ZEB1: variants seen among roughly 807,000 people sequenced by gnomAD.
The protein encoded by ZEB1 is zinc finger E-box-binding homeobox 1.
ZEB1 carries 21 observed loss-of-function variants against 84.9 expected under a neutral mutation model. That is an observed-to-expected ratio of 0.25 (90% CI 0.18 to 0.36). The LOEUF is 0.36. ZEB1 is among the 10% of genes least tolerant of loss of function. The pLI is 1.00. For synonymous variants in ZEB1, 420 were observed against 471.1 expected, an observed-to-expected ratio of 0.89 and a Z score of 1.41; for missense variants, 1,104 against 1,330.2, an observed-to-expected ratio of 0.83 and a Z score of 2.65.
chr10:31,350,020 A>G (rs918746957), intron 1 of ZEB1, among the ~76,000 whole-genome samples: 8 of 152,108 alleles, frequency 5.3e-5, no homozygotes, highest in East Asian at 3.9e-4. Flanking sequence ...CTTTTTCCCT[A>G]TGTTTTCTTG....
At chr10:31,361,619 A>C (rs1476374832) in intron 1 of ZEB1, among the ~76,000 whole-genome samples, 1 of 148,424 alleles carries the variant, frequency 6.7e-6, no homozygotes, top group African/African-American at 2.5e-5. Flanking sequence ...GGGCAGAGGC[A>C]CTCCTCCCTT....
chr10:31,526,982 A>G lies in ZEB1; in HGVS notation c.3096A>G (p.Glu1032=). 6.2e-7 allele frequency: 1 copy of G among 1,612,340 alleles called. No homozygotes were observed. The highest frequency in any genetic ancestry group is 8.5e-7 in the Non-Finnish European group (1 of 1,179,068). The change falls in exon 9 of 9, where the codon GAA becomes GAG. Residue 1032 remains glutamate (E), a synonymous_variant. Coordinates refer to ENST00000424869, the MANE Select transcript of ZEB1 (RefSeq NM_001174096.2). ...DSDERESLTR[E]EDEDSEKEEE... is the part of the protein sequence containing the mutation. ...ACGAGAGAGAGAGTTTGACAAGGGA[A>G]GAGGATGAAGACAGTGAAAAAGAGG...
At chr10:31,399,013 T>G (rs1466085125) in intron 1 of ZEB1, among the ~76,000 whole-genome samples, 2 of 147,294 alleles carry the variant, frequency 1.4e-5, no homozygotes, top group Non-Finnish European at 3.0e-5. Flanking sequence ...TTTTTTGATA[T>G]GGAGTTTTGC....
intron 1 of ZEB1, among the ~76,000 whole-genome samples, chr10:31,330,742 T>A (rs1377543358): frequency 6.6e-6 from 1 of 152,214 alleles, no homozygotes; most frequent in African/African-American, 2.4e-5. Flanking sequence ...ATAAGTTGAT[T>A]ACAGATGGGT....
chr10:31,418,004 C>G (rs1382697135), intron 1 of ZEB1, among the ~76,000 whole-genome samples: 1 of 151,858 alleles, frequency 6.6e-6, no homozygotes, highest in Non-Finnish European at 1.5e-5. Flanking sequence ...GAGTGTCAAG[C>G]AAACTTTTTT....
At chr10:31,519,850 T>G (rs1048704254) in intron 6 of ZEB1, among the ~76,000 whole-genome samples, 1 of 152,222 alleles carries the variant, frequency 6.6e-6, no homozygotes, top group African/African-American at 2.4e-5. Context: ...TTGAGAATTA[T>G]TTGAAGTTAT....
intron 1 of ZEB1, chr10:31,321,433 GAGC>G: frequency 6.2e-7 from 1 of 1,613,508 alleles, no homozygotes; most frequent in South Asian, 1.1e-5. Flanking sequence ...GCAAGGAGTG[GAGC>G]ATAGGCTATT....
At chr10:31,400,594 A>G (rs1202424451) in intron 1 of ZEB1, among the ~76,000 whole-genome samples, 1 of 152,126 alleles carries the variant, frequency 6.6e-6, no homozygotes, top group African/African-American at 2.4e-5. Flanking sequence ...AGAATCTTTT[A>G]TCATTAAAAG....
At chr10:31,409,450 C>G (rs907866386) in intron 1 of ZEB1, among the ~76,000 whole-genome samples, 2 of 152,256 alleles carry the variant, frequency 1.3e-5, no homozygotes, top group East Asian at 3.9e-4. Context: ...AGCATGATGC[C>G]TTCAGCTTTG....
intron 1 of ZEB1, among the ~76,000 whole-genome samples, chr10:31,402,250 A>G (rs1037053157): frequency 3.9e-5 from 6 of 152,090 alleles, no homozygotes; most frequent in Non-Finnish European, 7.4e-5. Flanking sequence ...AAAAGAAAGT[A>G]TAAATGTAAG....
At chr10:31,351,895 A>G (rs1213267006) in intron 1 of ZEB1, among the ~76,000 whole-genome samples, 1 of 152,196 alleles carries the variant, frequency 6.6e-6, no homozygotes, top group Non-Finnish European at 1.5e-5. Context: ...TGGTATACTG[A>G]TACTTCACCA....
At chr10:31,432,152 A>G (rs2057788243) in intron 1 of ZEB1, among the ~76,000 whole-genome samples, 1 of 152,220 alleles carries the variant, frequency 6.6e-6, no homozygotes, top group African/African-American at 2.4e-5. Flanking sequence ...ATAGACCAAC[A>G]CTGTCCGGTA....
intron 1 of ZEB1, among the ~76,000 whole-genome samples, chr10:31,344,853 T>C (rs541943830): frequency 6.6e-6 from 1 of 152,266 alleles, no homozygotes; most frequent in South Asian, 2.1e-4. Context: ...TTCATGTTTG[T>C]TTGTTTTTCT....
intron 2 of ZEB1, among the ~76,000 whole-genome samples, chr10:31,464,036 A>G (rs1189149779): frequency 2.6e-5 from 4 of 152,248 alleles, no homozygotes; most frequent in Non-Finnish European, 5.9e-5. Context: ...ATAAAATAAA[A>G]CCAGTGTGTT....
At chr10:31,378,957 G>C (rs1031785930) in intron 1 of ZEB1, among the ~76,000 whole-genome samples, 5 of 151,966 alleles carry the variant, frequency 3.3e-5, no homozygotes, top group African/African-American at 9.7e-5. Context: ...TTTAAGAGGA[G>C]CGTATAAATC....
intron 7 of ZEB1, 91 bp downstream of exon 7, chr10:31,522,027 A>G: frequency 6.4e-7 from 1 of 1,553,714 alleles, no homozygotes; most frequent in Non-Finnish European, 8.8e-7. Flanking sequence ...AGTCCCGTAG[A>G]GCCAACTAGA....
At position 31,344,547 on chromosome 10, in the gene ZEB1, A is replaced by G. The variant is rs1025448177; in HGVS notation, c.58+25255A>G. 3.2e-4 allele frequency among the ~76,000 whole-genome samples: 48 copies of G among 152,150 alleles called. 2 individuals are homozygous for G. Among genetic ancestry groups the G allele is most frequent in the Admixed American group, 3.1e-3 (48 of 15,260 alleles). ...TGCTTAGGCTCACTTCAATTTCCCC[A>G]GCAGAAACTATTGTATCCTTACTGG... On this transcript the variant is annotated intron_variant, in intron 1 of 8. Coordinates refer to ENST00000424869, the MANE Select transcript of ZEB1 (RefSeq NM_001174096.2).
At chr10:31,450,155 G>T (rs991470996) in intron 1 of ZEB1, among the ~76,000 whole-genome samples, 1 of 152,126 alleles carries the variant, frequency 6.6e-6, no homozygotes, top group African/African-American at 2.4e-5. Flanking sequence ...GAAAAATTTA[G>T]GTAGAATTGA....
chr10:31,467,200 A>G (rs1002485145), intron 2 of ZEB1, among the ~76,000 whole-genome samples: 2 of 152,126 alleles, frequency 1.3e-5, no homozygotes, highest in African/African-American at 4.8e-5. Flanking sequence ...AGGAGTTCCC[A>G]CAACCCCTGA....
Sources: allele counts gnomAD v4.1 joint callset (sites outside exome capture counted in the v4.1 genomes callset), GRCh38; gene constraint gnomAD v4.1.1; transcripts MANE v1.5; gene names NCBI Gene and HGNC (gene_info 2026-07-23, HGNC 2026-07-21).